The following PAM variants were observed in gnomAD, a reference collection of about 807,000 sequenced individuals.
The protein encoded by PAM is peptidylglycine alpha-amidating monooxygenase.
PAM carries 72 observed loss-of-function variants against 122.1 expected under a neutral mutation model. The ratio of observed to expected loss-of-function variants is 0.59; its 90% CI spans 0.49 to 0.72. The LOEUF is 0.72. Among genes scored for constraint, PAM ranks in the 30% least tolerant of loss-of-function variants. The pLI is 0.00. For missense variants in PAM, 1,106 were observed against 1,183.7 expected (o/e 0.93, Z 0.96); for synonymous variants, 389 against 404.4 (o/e 0.96, Z 0.46).
At chr5:102,845,282 T>C (rs1327133391) in intron 1 of PAM, among the ~76,000 whole-genome samples, 1 of 152,208 alleles carries the variant, frequency 6.6e-6, no homozygotes, top group Non-Finnish European at 1.5e-5. Context: ...TGTCAGGCTA[T>C]AGTGTTAAGT....
At chr5:102,864,308 A>G (rs1311962534) in intron 1 of PAM, among the ~76,000 whole-genome samples, 1 of 151,876 alleles carries the variant, frequency 6.6e-6, no homozygotes, top group Non-Finnish European at 1.5e-5. Context: ...CTCCAGAAGG[A>G]GTTCTTTCCT....
intron 1 of PAM, among the ~76,000 whole-genome samples, chr5:102,825,719 G>A (rs1166188123): frequency 3.3e-5 from 5 of 152,140 alleles, no homozygotes; most frequent in Admixed American, 6.5e-5. Context: ...TTGGTGGCAT[G>A]TGCCTCTAGT....
chr5:102,929,183 A>C (rs1294408736), intron 7 of PAM, among the ~76,000 whole-genome samples: 1 of 152,146 alleles, frequency 6.6e-6, no homozygotes, highest in East Asian at 1.9e-4. Flanking sequence ...AATACCTTCC[A>C]GTTAGTGTAC....
At chr5:102,899,102 T>C (rs1297854990) in intron 3 of PAM, among the ~76,000 whole-genome samples, 1 of 151,446 alleles carries the variant, frequency 6.6e-6, no homozygotes, top group Admixed American at 6.6e-5. Flanking sequence ...ACCTCTCTCT[T>C]TCTTCAACTG....
Position 103,003,028 on chromosome 5 carries a change from T to C in PAM, c.1614-5T>C. The C allele has an allele frequency of 7.1e-7, 1 of 1,400,804 alleles. No individual in the cohort carries two copies. The highest frequency in any genetic ancestry group is 2.3e-5 in the East Asian group (1 of 43,850). 86.8% of individuals were successfully genotyped at this position (1,400,804 alleles called of 1,614,324 possible). A position where few individuals can be genotyped will look rare whatever the true frequency, so the allele number is the denominator to read the frequency against. The stretch of plus-strand genomic sequence containing the variant: ...TTCATGTCCTATTTAATGCTTTTTG[T>C]TTAGCTCGTTTGACAGCAAGTTTGT... On this transcript the variant is annotated splice_polypyrimidine_tract_variant and splice_region_variant and intron_variant, in intron 16 of 25. Transcript: ENST00000438793.
chr5:102,898,014 A>G (rs556750070), intron 3 of PAM, among the ~76,000 whole-genome samples: 1 of 151,784 alleles, frequency 6.6e-6, no homozygotes, highest in South Asian at 2.1e-4. Context: ...TGAGAGAACT[A>G]ACTCTTGGTT....
chr5:102,819,748 A>T (rs1032020361), intron 1 of PAM, among the ~76,000 whole-genome samples: 1 of 152,206 alleles, frequency 6.6e-6, no homozygotes, highest in Non-Finnish European at 1.5e-5. Flanking sequence ...GAAAGAAAGT[A>T]CATGGTATGT....
At chr5:102,995,198 C>T (rs1775318523) in intron 16 of PAM, among the ~76,000 whole-genome samples, 1 of 152,132 alleles carries the variant, frequency 6.6e-6, no homozygotes, top group Non-Finnish European at 1.5e-5. Flanking sequence ...GAACAGAACT[C>T]AAAAGTGTCT....
intron 1 of PAM, among the ~76,000 whole-genome samples, chr5:102,756,850 G>A (rs987449125): frequency 3.9e-5 from 6 of 152,076 alleles, no homozygotes; most frequent in Non-Finnish European, 5.9e-5. Flanking sequence ...TTTTCATTCC[G>A]CGATGCACTC....
chr5:103,015,900 C>T (rs1781843074), intron 21 of PAM, among the ~76,000 whole-genome samples: 1 of 152,150 alleles, frequency 6.6e-6, no homozygotes, highest in Non-Finnish European at 1.5e-5. Context: ...ACATTCCCTC[C>T]TCACCTTTAT....
At chr5:102,956,549 A>T (rs1760808996) in intron 12 of PAM, among the ~76,000 whole-genome samples, 1 of 152,126 alleles carries the variant, frequency 6.6e-6, no homozygotes, top group Admixed American at 6.6e-5. Flanking sequence ...ACTTAAGTAC[A>T]TGTGTTTTTC....
intron 23 of PAM, among the ~76,000 whole-genome samples, chr5:103,020,395 T>TA (rs1017364378): frequency 1.3e-5 from 2 of 152,124 alleles, no homozygotes; most frequent in African/African-American, 4.8e-5. Context: ...CACCTGACCT[T>TA]ATAGCCTTAT....
chr5:102,878,129 T>C (rs947354393), intron 3 of PAM, among the ~76,000 whole-genome samples: 2 of 152,160 alleles, frequency 1.3e-5, no homozygotes, highest in Non-Finnish European at 2.9e-5. Flanking sequence ...TATCCCTCTG[T>C]AAGATATTTG....
chr5:102,769,201 A>AT lies in PAM; in HGVS notation c.-374+13862dup, dbSNP rs200684494. ...GCCCATTTTTTAACTGGATTATCAG[A>AT]TTTTTTTTTCCAGCAGAGTTGTTGG... On this transcript the variant is annotated intron_variant, in intron 1 of 25. Transcript: ENST00000438793. Among the ~76,000 whole-genome samples the AT allele has an allele frequency of 8.7e-4, 132 of 151,362 alleles. 1 individual carries two copies. The East Asian group carries it at 0.023, about 26-fold the overall frequency.
chr5:102,852,976 A>G (rs1184840179), intron 1 of PAM, among the ~76,000 whole-genome samples: 3 of 152,228 alleles, frequency 2.0e-5, no homozygotes, highest in African/African-American at 4.8e-5. Context: ...TGTAATTCAA[A>G]TACTAAGCAC....
chr5:103,018,787 C>A (rs1782725825), intron 22 of PAM, among the ~76,000 whole-genome samples: 1 of 152,116 alleles, frequency 6.6e-6, no homozygotes, highest in Middle Eastern at 3.2e-3. Flanking sequence ...CAATCTGAGG[C>A]CCTGTATACC....
rs570637304 is a variant in PAM at position 103,017,154 on chromosome 5, A to G, written c.2332-180A>G. ...TTATGCCTGGAAGAGTCAGTACCCAATGAATGAATGAATGAATGACTCCCT... is the reference window on the plus strand; with the variant it reads ...TTATGCCTGGAAGAGTCAGTACCCAGTGAATGAATGAATGAATGACTCCCT... On this transcript the variant is annotated intron_variant, in intron 21 of 25. Coordinates refer to ENST00000438793, the MANE Select transcript of PAM (RefSeq NM_001177306.2). 5.9e-5 allele frequency among the ~76,000 whole-genome samples: 9 copies of G among 152,296 alleles called. No individual in the cohort carries two copies. The South Asian group carries it at 1.5e-3, about 25-fold the overall frequency.
intron 1 of PAM, among the ~76,000 whole-genome samples, chr5:102,807,374 G>A (rs1766520678): frequency 6.6e-6 from 1 of 152,168 alleles, no homozygotes; most frequent in South Asian, 2.1e-4. Context: ...GGGTCACAGA[G>A]GCAGAGAAGG....
Position 102,900,256 on chromosome 5 carries a change from G to GT in PAM, c.211-1100_211-1099insT, listed in dbSNP as rs1336386033. ...TCAGGTCTCTTAATGTGTGTGTGTG[G>GT]GGGGGGGGCGGGGGGAAGAGGGTAG... is the stretch of plus-strand genomic sequence containing the variant. On this transcript the variant is annotated intron_variant, in intron 3 of 25. Coordinates refer to ENST00000438793, the MANE Select transcript of PAM (RefSeq NM_001177306.2). Among the ~76,000 whole-genome samples, 22 of 114,466 alleles carry GT rather than the reference G, an allele frequency of 1.9e-4. 1 individual carries two copies. Among genetic ancestry groups the GT allele is most frequent in the African/African-American group, 6.3e-4 (15 of 23,786 alleles). The allele number at this position is 114,466 out of a possible 152,430, so 75.1% of individuals were successfully genotyped here.
Sources: gnomAD v4.1 joint callset for allele counts (sites outside exome capture counted in the v4.1 genomes callset) on GRCh38, gnomAD v4.1.1 for gene constraint, MANE v1.5 for transcripts, NCBI Gene and HGNC (gene_info 2026-07-23, HGNC 2026-07-21) for gene names.